The following ADAMTS12 variants were observed in gnomAD, a reference collection of about 807,000 sequenced individuals.
ADAMTS12 encodes the protein A disintegrin and metalloproteinase with thrombospondin motifs 12.
ADAMTS12 carries 118 observed loss-of-function variants against 167.8 expected under a neutral mutation model. The ratio of observed to expected loss-of-function variants is 0.70; its 90% CI spans 0.61 to 0.82. The LOEUF is 0.82. Ranked by LOEUF, ADAMTS12 falls within the 40% of genes least tolerant of loss-of-function variation. The pLI is 0.00. For synonymous variants in ADAMTS12, 704 were observed against 716.9 expected, an observed-to-expected ratio of 0.98 and a Z score of 0.29; for missense variants, 1,916 against 1,998.8, an observed-to-expected ratio of 0.96 and a Z score of 0.79.
intron 3 of ADAMTS12, among the ~76,000 whole-genome samples, chr5:33,737,040 G>A (rs916005356): frequency 2.6e-5 from 4 of 152,210 alleles, no homozygotes; most frequent in Non-Finnish European, 4.4e-5. Flanking sequence ...TCTACTTACT[G>A]AGAAAAACTG....
At chr5:33,682,194 G>GA (rs1742148162) in intron 5 of ADAMTS12, among the ~76,000 whole-genome samples, 1 of 152,204 alleles carries the variant, frequency 6.6e-6, no homozygotes, top group Non-Finnish European at 1.5e-5. Flanking sequence ...TGGAAGATAT[G>GA]AAAAAAGGAA....
At chr5:33,585,258 A>G (rs1012373069) in intron 18 of ADAMTS12, among the ~76,000 whole-genome samples, 4 of 152,092 alleles carry the variant, frequency 2.6e-5, no homozygotes, top group Non-Finnish European at 5.9e-5. Flanking sequence ...GAATTATGGA[A>G]CCCACTGGGC....
At chr5:33,737,825 G>C (rs1382865254) in intron 3 of ADAMTS12, among the ~76,000 whole-genome samples, 1 of 152,174 alleles carries the variant, frequency 6.6e-6, no homozygotes, top group Non-Finnish European at 1.5e-5. Context: ...GGGGGCTGTG[G>C]AATTTCGAAT....
intron 1 of ADAMTS12, among the ~76,000 whole-genome samples, chr5:33,890,561 G>T (rs1437569363): frequency 5.3e-5 from 8 of 152,192 alleles, no homozygotes; most frequent in Admixed American, 3.9e-4. Flanking sequence ...ACAGGCTGGT[G>T]ATGTTTATCA....
At chr5:33,602,289 T>G (rs1379251878) in intron 16 of ADAMTS12, among the ~76,000 whole-genome samples, 1 of 152,238 alleles carries the variant, frequency 6.6e-6, no homozygotes, top group African/African-American at 2.4e-5. Flanking sequence ...TGATTAAGGA[T>G]TCTCATTTCT....
chr5:33,567,443 C>T (rs930561137), intron 19 of ADAMTS12, among the ~76,000 whole-genome samples: 1 of 152,198 alleles, frequency 6.6e-6, no homozygotes, highest in Admixed American at 6.5e-5. Context: ...AGTAGGCCTG[C>T]TTATCTGCCC....
At chr5:33,870,015 A>G (rs1161471026) in intron 2 of ADAMTS12, among the ~76,000 whole-genome samples, 1 of 152,202 alleles carries the variant, frequency 6.6e-6, no homozygotes, top group Non-Finnish European at 1.5e-5. Flanking sequence ...TGGTGAAGAA[A>G]TTCAGTGATA....
chr5:33,688,045 A>G (rs528173430), intron 3 of ADAMTS12, among the ~76,000 whole-genome samples: 1 of 152,192 alleles, frequency 6.6e-6, no homozygotes, highest in Non-Finnish European at 1.5e-5. Context: ...CTCTCTAATT[A>G]GGCTTTAAGC....
intron 2 of ADAMTS12, among the ~76,000 whole-genome samples, chr5:33,876,821 C>A (rs547638472): frequency 6.6e-6 from 1 of 152,238 alleles, no homozygotes; most frequent in African/African-American, 2.4e-5. Flanking sequence ...TGATACTGTG[C>A]AGTAATTTTG....
chr5:33,683,334 T>C (rs1252277503), intron 4 of ADAMTS12, among the ~76,000 whole-genome samples: 1 of 152,228 alleles, frequency 6.6e-6, no homozygotes, highest in African/African-American at 2.4e-5. Flanking sequence ...TTAACATTTT[T>C]CTTTTCTTAA....
At chr5:33,873,405 G>T (rs564189409) in intron 2 of ADAMTS12, among the ~76,000 whole-genome samples, 13 of 152,164 alleles carry the variant, frequency 8.5e-5, no homozygotes, top group Non-Finnish European at 1.8e-4. Context: ...TTCTGATGAA[G>T]GAAATAAAAG....
At chr5:33,773,086 G>A (rs1248435247) in intron 2 of ADAMTS12, among the ~76,000 whole-genome samples, 1 of 152,116 alleles carries the variant, frequency 6.6e-6, no homozygotes, top group Non-Finnish European at 1.5e-5. Context: ...TAAATAACCA[G>A]GATTCTTGAA....
chr5:33,766,467 A>T (rs1309020554), intron 2 of ADAMTS12, among the ~76,000 whole-genome samples: 1 of 152,176 alleles, frequency 6.6e-6, no homozygotes, highest in Non-Finnish European at 1.5e-5. Flanking sequence ...AAAAAATGAC[A>T]ATAGGGGAAG....
chr5:33,580,953 C>T (rs55715958), intron 18 of ADAMTS12, among the ~76,000 whole-genome samples: 6,093 of 152,212 alleles, frequency 0.04, 384 homozygotes, highest in African/African-American at 0.13. Flanking sequence ...CAGCAGACAT[C>T]GAATCTTCCA....
chr5:33,613,338 G>A (rs930244915), intron 16 of ADAMTS12, among the ~76,000 whole-genome samples: 1 of 152,192 alleles, frequency 6.6e-6, no homozygotes, highest in Non-Finnish European at 1.5e-5. Context: ...CCTGACCCCT[G>A]CCTTCACAGG....
chr5:33,723,591 G>T (rs1743876901), intron 3 of ADAMTS12, among the ~76,000 whole-genome samples: 1 of 152,148 alleles, frequency 6.6e-6, no homozygotes, highest in Non-Finnish European at 1.5e-5. Context: ...ACCTGGGTGG[G>T]ATTGGCTAAG....
rs750686752 is a variant in ADAMTS12 at position 33,891,770 on chromosome 5, C to G, written c.87G>C (p.Gln29His). The G allele has an allele frequency of 5.0e-5, 81 of 1,614,218 alleles. No homozygotes were observed. The highest frequency in any genetic ancestry group is 6.9e-5 in the Non-Finnish European group (81 of 1,180,026). Reference sequence around the variant, plus strand: ...GGAAGCGAACCGGGCCTGGCTGAGGCTGTCTCCCATAGCAAAGCGCCCCAA... The same window carrying G: ...GGAAGCGAACCGGGCCTGGCTGAGGGTGTCTCCCATAGCAAAGCGCCCCAA... ...LNFGALCYGR[Q>H]PQPGPVRFPD... The change falls in exon 1 of 24, where the codon CAG (glutamine) becomes CAC (histidine). Residue 29 changes from glutamine to histidine, a missense_variant. Physicochemically the swap from Gln to His is conservative, Grantham distance 24 (BLOSUM62 0). Transcript: ENST00000504830.
chr5:33,546,292 T>A, intron 21 of ADAMTS12, 90 bp from the exon 22 acceptor site: 1 of 1,272,740 alleles, frequency 7.9e-7, no homozygotes, highest in Non-Finnish European at 1.1e-6. Flanking sequence ...ATTTTTGTTA[T>A]GTACAGTGTT....
intron 2 of ADAMTS12, among the ~76,000 whole-genome samples, chr5:33,870,254 T>C (rs1045951294): frequency 2.0e-5 from 3 of 152,192 alleles, no homozygotes; most frequent in Non-Finnish European, 2.9e-5. Flanking sequence ...CTTCAGCTTA[T>C]GAAGATGATG....
Sources: allele counts gnomAD v4.1 joint callset (sites outside exome capture counted in the v4.1 genomes callset), GRCh38; gene constraint gnomAD v4.1.1; transcripts MANE v1.5; gene names NCBI Gene and HGNC (gene_info 2026-07-23, HGNC 2026-07-21).